Variants in IVNS1ABP observed in about 807,000 individuals in gnomAD.
The protein encoded by IVNS1ABP is influenza virus NS1A binding protein.
In IVNS1ABP, 25 loss-of-function variants were observed where a neutral mutation model predicts 78.9. That is an observed-to-expected ratio of 0.32 (90% CI 0.23 to 0.44). The LOEUF (loss-of-function observed/expected upper bound fraction) is 0.44. Among genes scored for constraint, IVNS1ABP ranks in the 20% least tolerant of loss-of-function variants. The pLI is 1.00. For missense variants in IVNS1ABP, 494 were observed against 768.9 expected (o/e 0.64, Z 4.23); for synonymous variants, 241 against 259.7 (o/e 0.93, Z 0.69).
chr1:185,299,930 T>C, intron 13 of IVNS1ABP, 47 bp from the exon 14 acceptor site: 1 of 1,612,024 alleles, frequency 6.2e-7, no homozygotes, highest in Non-Finnish European at 8.5e-7. Flanking sequence ...TCCCAGACTC[T>C]AAGTGTATAC....
Position 185,300,511 on chromosome 1 carries a change from G to A in IVNS1ABP, c.1168C>T (p.Pro390Ser). The stretch of plus-strand genomic sequence containing the variant: ...AGAAAGGACCAGTGATCTGTATGTG[G>A]ATTATAGCATTCGACTGTTCGAAGA... The part of the protein sequence containing the change: ...ECLRTVECYN[P>S]HTDHWSFLAP... Residue 390 changes from proline (P) to serine (S), a missense_variant, in exon 11 of 15, where the codon CCA (proline) becomes TCA (serine). Transcript: ENST00000367498. 2.5e-6 allele frequency: 4 copies of A among 1,613,436 alleles called. No individual in the cohort carries two copies. The highest frequency in any genetic ancestry group is 3.4e-6 in the Non-Finnish European group (4 of 1,179,534).
rs144316576 is a variant in IVNS1ABP at position 185,310,477 on chromosome 1, G to A, written c.-19+618C>T. On this transcript the variant is annotated intron_variant, in intron 2 of 14. Coordinates refer to ENST00000367498, the MANE Select transcript of IVNS1ABP (RefSeq NM_006469.5). Reference sequence around the variant, plus strand: ...ACAAAATTTAGCCAGGCATGGTGGCGGGCGCCTGTAATCCCAGCTACTTGT... The same window carrying A: ...ACAAAATTTAGCCAGGCATGGTGGCAGGCGCCTGTAATCCCAGCTACTTGT... Among the ~76,000 whole-genome samples the A allele has an allele frequency of 4.3e-3, 655 of 152,148 alleles. 8 individuals are homozygous for A. Among genetic ancestry groups the A allele is most frequent in the African/African-American group, 0.015 (619 of 41,512 alleles).
rs1233481697 is a variant in IVNS1ABP, at chr1:185,297,999, C to A, written c.*36G>T. On this transcript the variant is annotated 3_prime_UTR_variant, in exon 15 of 15. Transcript: ENST00000367498. ...GTACCTCTACTAACCATAATTACAT[C>A]ACTAAGCCTGTTAGTTTGAGAGGGT... The A allele has an allele frequency of 6.3e-7, 1 of 1,599,660 alleles. No individual in the cohort carries two copies. Among genetic ancestry groups the A allele is most frequent in the South Asian group, 1.1e-5 (1 of 89,360 alleles).
chr1:185,307,687 C>T, intron 5 of IVNS1ABP, 25 bp from the exon 6 acceptor site: 1 of 1,590,070 alleles, frequency 6.3e-7, no homozygotes, highest in Non-Finnish European at 8.6e-7. Flanking sequence ...ATATGAGTGC[C>T]AACACTTACA....
At chr1:185,306,735 C>T (rs1665748738) in intron 7 of IVNS1ABP, 1 of 864,700 alleles carries the variant, frequency 1.2e-6, no homozygotes, top group Admixed American at 4.4e-5. Flanking sequence ...CAGAAAATTT[C>T]AGTACCACTT....
chr1:185,315,045 TACTC>T (rs754314701), intron 1 of IVNS1ABP, among the ~76,000 whole-genome samples: 1 of 152,210 alleles, frequency 6.6e-6, no homozygotes, highest in South Asian at 2.1e-4. Context: ...ATCAATCTCT[TACTC>T]ACAATACTTC....
chr1:185,307,124 C>T lies in IVNS1ABP; in HGVS notation c.547G>A (p.Glu183Lys). 1 of 1,613,406 alleles carries T rather than the reference C, an allele frequency of 6.2e-7. No individual in the cohort carries two copies. Among genetic ancestry groups the T allele is most frequent in the Non-Finnish European group, 8.5e-7 (1 of 1,179,490 alleles). The change falls in exon 7 of 15, where the codon GAA (glutamate) becomes AAA (lysine). Residue 183 changes from glutamate (E) to lysine (K), a missense_variant. Transcript: ENST00000367498. ...TTGCTGGGCAAGCAAACATTATCTT[C>T]AAGCATTACCTCCAACTAGAATTGG... ...LPRLKLEVML[E>K]DNVCLPSNGK...
intron 10 of IVNS1ABP, 183 bp from the exon 11 acceptor site, chr1:185,300,741 T>C: frequency 1.4e-6 from 1 of 715,222 alleles, no homozygotes; most frequent in East Asian, 2.7e-5. Flanking sequence ...TCAGTACAAA[T>C]AAACTGCTTA....
intron 8 of IVNS1ABP, among the ~76,000 whole-genome samples, chr1:185,304,292 T>G (rs1281394473): frequency 6.6e-6 from 1 of 152,144 alleles, no homozygotes; most frequent in East Asian, 1.9e-4. Context: ...TGCCACTTAT[T>G]GGGCACTCAA....
chr1:185,301,456 G>A lies in IVNS1ABP; in HGVS notation c.873C>T (p.Ile291=), dbSNP rs1275068884. Residue 291 remains isoleucine (I), a synonymous_variant, in exon 9 of 15, where the codon ATC becomes ATT. Transcript: ENST00000367498. ...TACTTGAAGTCTTTTCTGAAGCAACGATTTTCCACTCATGCTTAGGGCTTT... is the reference window on the plus strand; with the variant it reads ...TACTTGAAGTCTTTTCTGAAGCAACAATTTTCCACTCATGCTTAGGGCTTT... The part of the protein sequence containing the change: ...TVQSPKHEWK[I]VASEKTSNNT... 2.5e-6 allele frequency: 4 copies of A among 1,613,186 alleles called. No individual in the cohort carries two copies. Among genetic ancestry groups the A allele is most frequent in the South Asian group, 1.1e-5 (1 of 91,056 alleles).
At chr1:185,310,233 T>C (rs1054532809) in intron 2 of IVNS1ABP, among the ~76,000 whole-genome samples, 2 of 152,196 alleles carry the variant, frequency 1.3e-5, no homozygotes, top group African/African-American at 4.8e-5. Flanking sequence ...TATATAAATA[T>C]AAATGGGAAC....
At chr1:185,315,578 T>G (rs906719581) in intron 1 of IVNS1ABP, among the ~76,000 whole-genome samples, 19 of 152,238 alleles carry the variant, frequency 1.2e-4, no homozygotes, top group Non-Finnish European at 2.2e-4. Context: ...CAGCTGGCGT[T>G]AAATGATACT....
intron 8 of IVNS1ABP, among the ~76,000 whole-genome samples, chr1:185,303,913 G>A (rs912488312): frequency 3.9e-5 from 6 of 152,024 alleles, no homozygotes; most frequent in South Asian, 2.1e-4. Context: ...CAAAACTTTC[G>A]TATCACTGTA....
At chr1:185,316,829 C>T in intron 1 of IVNS1ABP, 124 bp downstream of exon 1, 1 of 394,504 alleles carries the variant, frequency 2.5e-6, no homozygotes, top group East Asian at 3.6e-5. Flanking sequence ...GGGCTGCCTC[C>T]CCTGATGAGG....
At chr1:185,312,778 A>C (rs769625114) in intron 1 of IVNS1ABP, among the ~76,000 whole-genome samples, 1 of 152,230 alleles carries the variant, frequency 6.6e-6, no homozygotes, top group Non-Finnish European at 1.5e-5. Context: ...CTTTCTACAC[A>C]GAGAGAACAC....
intron 1 of IVNS1ABP, among the ~76,000 whole-genome samples, chr1:185,316,124 A>C (rs1666011697): frequency 1.3e-5 from 2 of 151,512 alleles, no homozygotes; most frequent in Non-Finnish European, 2.9e-5. Flanking sequence ...AAAAGCGTGG[A>C]GGGACGGAAA....
At chr1:185,316,284 G>A (rs577906724) in intron 1 of IVNS1ABP, among the ~76,000 whole-genome samples, 32 of 152,104 alleles carry the variant, frequency 2.1e-4, no homozygotes, top group African/African-American at 7.2e-4. Context: ...GGCCAGCCCC[G>A]CAGTCACTCA....
Position 185,301,424 on chromosome 1 carries a change from A to G in IVNS1ABP, c.895+10T>C. 1.2e-6 allele frequency: 2 copies of G among 1,612,992 alleles called. 1 individual carries two copies. ...AGCTGAAAACAATCTGGCAAGTGTC[A>G]TATACTTACTTGAAGTCTTTTCTGA... On this transcript the variant is annotated intron_variant, in intron 9 of 14. Transcript: ENST00000367498.
chr1:185,309,207 T>G (rs994690460), intron 3 of IVNS1ABP, 35 bp from the exon 4 acceptor site: 3 of 1,462,918 alleles, frequency 2.1e-6, no homozygotes, highest in African/African-American at 2.9e-5. Context: ...ATAAGTATTG[T>G]GGATTATGTG....
Sources: gnomAD v4.1 joint callset for allele counts (sites outside exome capture counted in the v4.1 genomes callset) on GRCh38, gnomAD v4.1.1 for gene constraint, MANE v1.5 for transcripts, NCBI Gene and HGNC (gene_info 2026-07-23, HGNC 2026-07-21) for gene names.